DLG2: variants seen among roughly 807,000 people sequenced by gnomAD.
DLG2 encodes the protein discs large MAGUK scaffold protein 2.
Under a neutral mutation model 132.5 loss-of-function variants are expected in DLG2, and 45 were observed. The observed-to-expected ratio is 0.34, with a 90% confidence interval of 0.27 to 0.44. The LOEUF is 0.44. Ranked by LOEUF, DLG2 falls within the 20% of genes least tolerant of loss-of-function variation. DLG2 has a pLI of 1.00. For synonymous variants in DLG2, 424 were observed against 419.6 expected (o/e 1.01, Z -0.13); for missense variants, 1,045 against 1,196.9 (o/e 0.87, Z 1.87).
intron 16 of DLG2, among the ~76,000 whole-genome samples, chr11:83,834,378 C>T (rs2055492942): frequency 6.6e-6 from 1 of 152,088 alleles, no homozygotes; most frequent in African/African-American, 2.4e-5. Context: ...AGGAATCCAG[C>T]TGTGAGGAAG....
chr11:85,527,138 G>GT (rs2074821361), intron 3 of DLG2, among the ~76,000 whole-genome samples: 1 of 150,480 alleles, frequency 6.6e-6, no homozygotes, highest in Non-Finnish European at 1.5e-5. Flanking sequence ...ATTTCTTGGG[G>GT]TTTTTTGTTT....
intron 10 of DLG2, among the ~76,000 whole-genome samples, chr11:84,070,972 CAAAT>C (rs1200760936): frequency 2.0e-5 from 3 of 152,202 alleles, no homozygotes; most frequent in African/African-American, 7.2e-5. Context: ...TCCATCAAGA[CAAAT>C]AATTTCATCA....
At chr11:84,110,934 T>G (rs947068227) in intron 9 of DLG2, among the ~76,000 whole-genome samples, 9 of 152,216 alleles carry the variant, frequency 5.9e-5, no homozygotes, top group African/African-American at 2.2e-4. Flanking sequence ...AGCTTGTACT[T>G]TCTTCTGTGT....
At chr11:85,529,632 T>A (rs1031349852) in intron 3 of DLG2, among the ~76,000 whole-genome samples, 2 of 152,162 alleles carry the variant, frequency 1.3e-5, no homozygotes, top group African/African-American at 4.8e-5. Flanking sequence ...CTTTACAATT[T>A]TAATGACTCT....
chr11:85,105,970 G>C (rs751104294), intron 6 of DLG2, among the ~76,000 whole-genome samples: 2 of 142,928 alleles, frequency 1.4e-5, no homozygotes, highest in Non-Finnish European at 3.0e-5. Flanking sequence ...GGAAAAAAAG[G>C]GTTGGGAGGA....
At chr11:84,834,525 T>G (rs1407570128) in intron 6 of DLG2, among the ~76,000 whole-genome samples, 1 of 151,466 alleles carries the variant, frequency 6.6e-6, no homozygotes, top group East Asian at 2.0e-4. Flanking sequence ...CTGAACCTAT[T>G]AGGCAGGCAG....
At chr11:84,906,437 T>G (rs1324303901) in intron 6 of DLG2, among the ~76,000 whole-genome samples, 2 of 147,322 alleles carry the variant, frequency 1.4e-5, no homozygotes, top group East Asian at 4.0e-4. Flanking sequence ...GTGGCAATAA[T>G]TAGTGTGCTT....
rs558339498 is a variant in DLG2, at chr11:84,141,744, G to A, written c.624+21717C>T. Among the ~76,000 whole-genome samples, 238 of 152,076 alleles carry A rather than the reference G, an allele frequency of 1.6e-3. 1 individual carries two copies. The highest frequency in any genetic ancestry group is 2.7e-3 in the Non-Finnish European group (184 of 67,964). On this transcript the variant is annotated intron_variant, in intron 9 of 27. Coordinates refer to ENST00000376104, the MANE Select transcript of DLG2 (RefSeq NM_001142699.3). ...CTCATCATTGAGTAGTGATAAATCT[G>A]CTTAGTTACATTGGTTTTATTGAGC...
At chr11:85,119,581 A>G (rs1341628096) in intron 5 of DLG2, among the ~76,000 whole-genome samples, 2 of 152,050 alleles carry the variant, frequency 1.3e-5, no homozygotes, top group Non-Finnish European at 2.9e-5. Context: ...TATTATTACT[A>G]CTATAGAAAA....
At chr11:83,712,531 G>A (rs1295245936) in intron 18 of DLG2, among the ~76,000 whole-genome samples, 1 of 152,128 alleles carries the variant, frequency 6.6e-6, no homozygotes, top group Non-Finnish European at 1.5e-5. Context: ...TCGGGAGGCT[G>A]AGGTGGGAGA....
chr11:85,525,875 C>T (rs1168311258), intron 3 of DLG2, among the ~76,000 whole-genome samples: 1 of 151,948 alleles, frequency 6.6e-6, no homozygotes, highest in African/African-American at 2.4e-5. Context: ...GGAGAGATCT[C>T]AGAGAGTACC....
chr11:83,467,221 C>T (rs1297055138), intron 25 of DLG2, among the ~76,000 whole-genome samples: 2 of 152,172 alleles, frequency 1.3e-5, no homozygotes, highest in Non-Finnish European at 2.9e-5. Context: ...CTGCATTTTA[C>T]AGAAGACTCA....
At chr11:83,486,920 ATTCT>A (rs1292568145) in intron 21 of DLG2, among the ~76,000 whole-genome samples, 2 of 152,122 alleles carry the variant, frequency 1.3e-5, no homozygotes, top group Admixed American at 6.6e-5. Flanking sequence ...CTTTAACAGT[ATTCT>A]TTATTTTTTA....
intron 6 of DLG2, chr11:84,887,257 G>A (rs563713530): frequency 7.2e-5 from 11 of 152,098 alleles, no homozygotes; most frequent in Middle Eastern, 3.4e-3. Flanking sequence ...GGAAACATCC[G>A]GATGTGAGGT....
At chr11:84,038,684 C>A (rs913950127) in intron 11 of DLG2, among the ~76,000 whole-genome samples, 9 of 152,006 alleles carry the variant, frequency 5.9e-5, no homozygotes, top group African/African-American at 2.2e-4. Context: ...ATATATAAGT[C>A]TGTTAGTCTG....
chr11:83,870,107 G>T (rs1418115534), intron 16 of DLG2, among the ~76,000 whole-genome samples: 1 of 152,084 alleles, frequency 6.6e-6, no homozygotes, highest in East Asian at 1.9e-4. Context: ...CTTTCCAGAG[G>T]CAAATGCTTT....
At chr11:83,630,328 CTT>C (rs2063343099) in intron 19 of DLG2, among the ~76,000 whole-genome samples, 1 of 138,128 alleles carries the variant, frequency 7.2e-6, no homozygotes, top group African/African-American at 3.5e-5. Context: ...TGGGAGCATG[CTT>C]GTGAGCATGC....
At chr11:83,980,080 A>G (rs1367218899) in intron 12 of DLG2, among the ~76,000 whole-genome samples, 5 of 152,200 alleles carry the variant, frequency 3.3e-5, no homozygotes, top group African/African-American at 4.8e-5. Flanking sequence ...TCACAAAATC[A>G]TATGTTGAAG....
chr11:84,936,279 A>T (rs1469283431), intron 6 of DLG2, among the ~76,000 whole-genome samples: 1 of 152,200 alleles, frequency 6.6e-6, no homozygotes, highest in African/African-American at 2.4e-5. Context: ...TTTTATGAGG[A>T]TTAAATATTT....
Sources: gnomAD v4.1 joint callset for allele counts (sites outside exome capture counted in the v4.1 genomes callset) on GRCh38, gnomAD v4.1.1 for gene constraint, MANE v1.5 for transcripts, NCBI Gene and HGNC (gene_info 2026-07-23, HGNC 2026-07-21) for gene names.